INSL6: variants seen among roughly 807,000 people sequenced by gnomAD.
INSL6 encodes the protein insulin-like peptide INSL6.
INSL6 carries 16 observed loss-of-function variants against 9.4 expected under a neutral mutation model. The ratio of observed to expected loss-of-function variants is 1.70; its 90% confidence interval spans 1.15 to 2.59. The LOEUF (loss-of-function observed/expected upper bound fraction) is 2.59, where lower values mean the gene tolerates loss of function less well. INSL6 is among the 30% of genes most tolerant of loss of function. The pLI is 0.00. For missense variants in INSL6, 391 were observed against 257.3 expected (o/e 1.52, Z -3.56); for synonymous variants, 154 against 96.9 (o/e 1.59, Z -3.46).
chr9:5,044,379 C>G, the INSL6 span: 1 of 1,460,216 alleles, frequency 6.8e-7, no homozygotes, highest in South Asian at 1.1e-5. Context: ...TGGAAGCTGA[C>G]CAAATGTTTT....
chr9:5,111,664 C>T, the INSL6 span: 1 of 407,150 alleles, frequency 2.5e-6, no homozygotes, highest in Non-Finnish European at 4.8e-6. Flanking sequence ...TCCCGCCCAG[C>T]AGCGGCCCTG....
At chr9:5,083,439 A>G in the INSL6 span, among the ~76,000 whole-genome samples, 2 of 152,184 alleles carry the variant, frequency 1.3e-5, no homozygotes, top group African/African-American at 4.8e-5. Context: ...ATTATCAGCT[A>G]TTCCTAAATT....
the INSL6 span, among the ~76,000 whole-genome samples, chr9:5,115,242 T>C: frequency 1.3e-5 from 2 of 151,580 alleles, no homozygotes; most frequent in East Asian, 3.9e-4. Flanking sequence ...CATCAAAAAG[T>C]GGGTAAAGGA....
chr9:5,089,954 T>C, the INSL6 span: 1 of 823,244 alleles, frequency 1.2e-6, no homozygotes, highest in Non-Finnish European at 1.7e-6. Context: ...CGATCTGGAC[T>C]TATGCCAATG....
downstream of INSL6, among the ~76,000 whole-genome samples, chr9:5,162,753 A>T (rs982991328): frequency 2.6e-5 from 4 of 152,248 alleles, no homozygotes; most frequent in Non-Finnish European, 5.9e-5. Context: ...TGACACAGAT[A>T]TAAGTGGAAA....
At chr9:5,043,408 A>G in the INSL6 span, among the ~76,000 whole-genome samples, 1 of 152,230 alleles carries the variant, frequency 6.6e-6, no homozygotes, top group Admixed American at 6.5e-5. Flanking sequence ...TGGGATAATA[A>G]TAGGTCTACA....
At chr9:5,121,690 G>T (rs1823626131), downstream of INSL6, among the ~76,000 whole-genome samples, 1 of 152,154 alleles carries the variant, frequency 6.6e-6, no homozygotes, top group Admixed American at 6.6e-5. Context: ...AAAAGACAAA[G>T]AATTTACAAG....
the INSL6 span, among the ~76,000 whole-genome samples, chr9:4,992,735 T>C: frequency 1.3e-5 from 2 of 152,158 alleles, no homozygotes; most frequent in Non-Finnish European, 2.9e-5. Context: ...AGTTTATATG[T>C]CCCCTGCATA....
chr9:5,168,740 AG>A (rs1356262641), intron 1 of INSL6, among the ~76,000 whole-genome samples: 1 of 152,176 alleles, frequency 6.6e-6, no homozygotes, highest in East Asian at 1.9e-4. Context: ...AACCCCAATA[AG>A]ATACTTCATG....
chr9:5,085,377 C>T, the INSL6 span: 1 of 906,250 alleles, frequency 1.1e-6, no homozygotes, highest in Non-Finnish European at 1.8e-6. Context: ...TCTCATGCAC[C>T]ACTGGGTCGG....
intron 2 of INSL6, among the ~76,000 whole-genome samples, chr9:5,137,400 T>C (rs145748050): frequency 2.6e-5 from 4 of 152,294 alleles, no homozygotes; most frequent in East Asian, 3.9e-4. Context: ...CAAAACAGCA[T>C]GGTATTGGTA....
the INSL6 span, chr9:5,111,151 C>G: frequency 5.7e-6 from 5 of 873,046 alleles, no homozygotes; most frequent in Admixed American, 1.0e-4. Flanking sequence ...AGGCGCTCAA[C>G]TTGCTGAGTC....
the INSL6 span, among the ~76,000 whole-genome samples, chr9:5,092,815 A>AAGAT: frequency 6.6e-6 from 1 of 152,204 alleles, no homozygotes; most frequent in African/African-American, 2.4e-5. Flanking sequence ...CTGGTTGTCC[A>AAGAT]AGATAGAATC....
At chr9:5,068,911 G>T in the INSL6 span, 1 of 628,800 alleles carries the variant, frequency 1.6e-6, no homozygotes, top group African/African-American at 1.9e-5. Context: ...TCGGATTCAT[G>T]GTTCAAATGT....
the INSL6 span, among the ~76,000 whole-genome samples, chr9:5,056,427 A>G: frequency 6.6e-6 from 1 of 152,046 alleles, no homozygotes; most frequent in African/African-American, 2.4e-5. Flanking sequence ...AACTAGTCCT[A>G]TTAATGTTAT....
rs570596425 is a variant in INSL6 at position 5,128,215 on chromosome 9, T to C, written c.*11-3704A>G. ...CTGGTATGTTCTACTTTTTTGAAAG[T>C]TGTACTGAAGACTTCTGATTTTGGG... On this transcript the variant is annotated intron_variant, in intron 3 of 3. Transcript: ENST00000649639. 9 of 231,604 alleles carry C rather than the reference T, an allele frequency of 3.9e-5. No homozygotes were observed. In the South Asian group the frequency reaches 9.1e-4, roughly 23 times the overall value. The allele number at this position is 231,604 out of a possible 1,614,324, so 14.3% of individuals were successfully genotyped here. A position where few individuals can be genotyped will look rare whatever the true frequency, so the allele number is the denominator to read the frequency against.
At chr9:5,093,968 C>G in the INSL6 span, among the ~76,000 whole-genome samples, 2 of 152,264 alleles carry the variant, frequency 1.3e-5, no homozygotes, top group South Asian at 2.1e-4. Flanking sequence ...GCCCTCCCCC[C>G]ATAAATGATG....
chr9:5,065,235 C>T, the INSL6 span, among the ~76,000 whole-genome samples: 3 of 152,096 alleles, frequency 2.0e-5, no homozygotes, highest in Non-Finnish European at 2.9e-5. Context: ...GTATCCCAAT[C>T]TATAATATTT....
chr9:5,100,249 C>T, the INSL6 span: 2 of 152,188 alleles, frequency 1.3e-5, no homozygotes, highest in Non-Finnish European at 2.9e-5. Flanking sequence ...ACCCACCAAA[C>T]ACATGCTTGC....
Sources: gnomAD v4.1 joint callset for allele counts (sites outside exome capture counted in the v4.1 genomes callset) on GRCh38, gnomAD v4.1.1 for gene constraint, MANE v1.5 for transcripts, NCBI Gene and HGNC (gene_info 2026-07-23, HGNC 2026-07-21) for gene names.